Variants in PPP1R9A observed in about 807,000 individuals in gnomAD.
The protein encoded by PPP1R9A is neurabin-1.
In PPP1R9A, 59 loss-of-function variants were observed where a neutral mutation model predicts 141.9. The observed-to-expected ratio is 0.42, with a 90% CI of 0.34 to 0.52. The LOEUF (loss-of-function observed/expected upper bound fraction) is 0.52. Ranked by LOEUF, PPP1R9A falls within the 20% of genes least tolerant of loss-of-function variation. The pLI is 0.10. For synonymous variants in PPP1R9A, 500 were observed against 569.7 expected (o/e 0.88, Z 1.74); for missense variants, 1,444 against 1,611.9 (o/e 0.90, Z 1.78).
At chr7:94,980,771 A>T (rs1242362961) in intron 2 of PPP1R9A, among the ~76,000 whole-genome samples, 3 of 152,086 alleles carry the variant, frequency 2.0e-5, no homozygotes, top group African/African-American at 7.2e-5. Flanking sequence ...AACTTCTTTG[A>T]TCTGGGTTCT....
At chr7:95,273,831 A>G (rs1482482392) in intron 14 of PPP1R9A, 68 bp from the exon 15 acceptor site, 4 of 1,358,974 alleles carry the variant, frequency 2.9e-6, no homozygotes, top group Non-Finnish European at 4.0e-6. Flanking sequence ...TCAGAGATGC[A>G]TTGACTTTTG....
intron 2 of PPP1R9A, among the ~76,000 whole-genome samples, chr7:95,063,168 G>A (rs202037516): frequency 4.6e-5 from 7 of 152,194 alleles, no homozygotes; most frequent in East Asian, 1.9e-4. Flanking sequence ...CACTAATAGA[G>A]TATTTTGATG....
chr7:95,271,469 T>C (rs994380385), intron 14 of PPP1R9A, among the ~76,000 whole-genome samples: 2 of 152,112 alleles, frequency 1.3e-5, no homozygotes, highest in African/African-American at 4.8e-5. Flanking sequence ...TCAGAACATA[T>C]GGTCTTGTCA....
rs1806135506 is a variant in PPP1R9A, at chr7:95,290,124, G to A, written c.3946G>A (p.Val1316Met). 6 of 1,614,064 alleles carry A rather than the reference G, an allele frequency of 3.7e-6. No individual in the cohort carries two copies. Among genetic ancestry groups the A allele is most frequent in the African/African-American group, 2.7e-5 (2 of 75,020 alleles). The change falls in exon 20 of 20, where the codon GTG becomes ATG. Residue 1316 changes from valine to methionine, a missense_variant. Around this residue, in one of 5 missense-constraint regions of PPP1R9A, gnomAD observed 459 missense variants for 513.8 expected, o/e 0.89. Transcript: ENST00000433360. ...LGMTASQDRA[V>M]VKKKLKEMKM... ...AATGACAGCATCCCAGGACCGAGCA[G>A]TGGTCAAAAAGAAACTCAAGGAAAT...
intron 8 of PPP1R9A, among the ~76,000 whole-genome samples, chr7:95,229,755 T>C (rs1463623685): frequency 6.6e-6 from 1 of 152,122 alleles, no homozygotes; most frequent in Non-Finnish European, 1.5e-5. Context: ...CTGAGAAACC[T>C]GAATACTTGA....
Position 95,247,727 on chromosome 7 carries a change from T to C in PPP1R9A, c.2166+201T>C, listed in dbSNP as rs1798310894. On this transcript the variant is annotated intron_variant, in intron 9 of 19. Coordinates refer to ENST00000433360, the MANE Select transcript of PPP1R9A (RefSeq NM_001166160.2). ...ATCCCCCTCAGTGCAAATAACACAA[T>C]ATTTTAGATATATATATTTATGTAT... Among the ~76,000 whole-genome samples, 4 of 152,080 alleles carry C rather than the reference T, an allele frequency of 2.6e-5. 1 individual carries two copies. The South Asian group carries it at 8.3e-4, about 32-fold the overall frequency.
At position 94,911,432 on chromosome 7, in the gene PPP1R9A, C is replaced by T. The variant is rs762242054; in HGVS notation, c.1319C>T (p.Ser440Leu). The T allele has an allele frequency of 1.3e-5, 21 of 1,613,574 alleles. No individual in the cohort carries two copies. The highest frequency in any genetic ancestry group is 6.7e-5 in the East Asian group (3 of 44,886). The change falls in exon 2 of 20, where the codon TCG becomes TTG. Residue 440 changes from serine (S) to leucine (L), a missense_variant. Around this residue, in one of 5 missense-constraint regions of PPP1R9A, gnomAD observed 490 missense variants for 521.1 expected, o/e 0.94. Transcript: ENST00000433360. Reference protein sequence around the residue: ...NSYYQPDMEYSEIVGLPEEEE... With the variant: ...NSYYQPDMEYLEIVGLPEEEE... ...TACTATCAGCCTGATATGGAGTACTCGGAAATTGTTGGATTGCCAGAAGAA... is the reference window on the plus strand; with the variant it reads ...TACTATCAGCCTGATATGGAGTACTTGGAAATTGTTGGATTGCCAGAAGAA...
At chr7:95,086,184 T>C (rs1816606142) in intron 2 of PPP1R9A, among the ~76,000 whole-genome samples, 1 of 152,006 alleles carries the variant, frequency 6.6e-6, no homozygotes, top group Non-Finnish European at 1.5e-5. Context: ...TAACATCTTA[T>C]GTTAGAATAG....
chr7:95,268,762 T>C (rs1458118505), intron 13 of PPP1R9A, 55 bp downstream of exon 13: 27 of 1,569,588 alleles, frequency 1.7e-5, no homozygotes, highest in Non-Finnish European at 2.3e-5. Context: ...TCATTGTTCC[T>C]ACAGCTTATT....
chr7:95,192,928 G>A (rs1034988322), intron 5 of PPP1R9A, among the ~76,000 whole-genome samples: 11 of 152,078 alleles, frequency 7.2e-5, no homozygotes, highest in Non-Finnish European at 1.5e-4. Context: ...ACTTAAGAAC[G>A]TATAGGAAGG....
chr7:95,140,788 C>G (rs1415815084), intron 4 of PPP1R9A, among the ~76,000 whole-genome samples: 1 of 152,202 alleles, frequency 6.6e-6, no homozygotes, highest in Admixed American at 6.5e-5. Context: ...TCTTGGCTCA[C>G]TGAAATCCTC....
chr7:95,076,803 C>G (rs1444731313), intron 2 of PPP1R9A, among the ~76,000 whole-genome samples: 1 of 151,870 alleles, frequency 6.6e-6, no homozygotes, highest in African/African-American at 2.4e-5. Flanking sequence ...ATTTTATTTT[C>G]TCTCATTATT....
intron 7 of PPP1R9A, among the ~76,000 whole-genome samples, chr7:95,211,857 C>A (rs1792209776): frequency 6.6e-6 from 1 of 152,072 alleles, no homozygotes; most frequent in African/African-American, 2.4e-5. Flanking sequence ...CATGGCATTG[C>A]TGCATGCCTA....
In PPP1R9A at chr7:94,907,651, TGCTGCCGG is replaced by T. The variant is rs996783504; in HGVS notation, c.-264_-257del. 3.9e-5 allele frequency: 6 copies of T among 152,242 alleles called. No homozygotes were observed. Among genetic ancestry groups the T allele is most frequent in the African/African-American group, 1.4e-4 (6 of 41,420 alleles). 9.4% of individuals were successfully genotyped at this position (152,242 alleles called of 1,614,324 possible). On this transcript the variant is annotated 5_prime_UTR_variant, in exon 1 of 20. Coordinates refer to ENST00000433360, the MANE Select transcript of PPP1R9A (RefSeq NM_001166160.2). The stretch of plus-strand genomic sequence containing the variant: ...CCTCTCTCTCCCTCTCCCGGGATTT[TGCTGCCGG>T]GCTCCCTCTCTCTGCGGCCCTAGAG...
chr7:95,041,634 GTTTTC>G (rs1407867403), intron 2 of PPP1R9A, among the ~76,000 whole-genome samples: 13 of 151,926 alleles, frequency 8.6e-5, no homozygotes, highest in Non-Finnish European at 1.5e-5. Flanking sequence ...GCTTCGTTCA[GTTTTC>G]TTTTATTTGT....
At chr7:95,283,990 T>G in intron 16 of PPP1R9A, 28 bp from the exon 17 acceptor site, 1 of 1,525,598 alleles carries the variant, frequency 6.6e-7, no homozygotes, top group Non-Finnish European at 8.9e-7. Flanking sequence ...TTTCTTTATC[T>G]AACACACCCA....
Position 94,910,924 on chromosome 7 carries a change from G to A in PPP1R9A, c.811G>A (p.Ala271Thr), listed in dbSNP as rs1562978599. The A allele has an allele frequency of 1.2e-6, 2 of 1,614,092 alleles. No homozygotes were observed. The highest frequency in any genetic ancestry group is 1.7e-6 in the Non-Finnish European group (2 of 1,180,002). Residue 271 changes from alanine (A) to threonine (T), a missense_variant, in exon 2 of 20, where the codon GCT (alanine) becomes ACT (threonine). By Grantham distance (58) the Ala-to-Thr change is moderately conservative. Around this residue, in one of 5 missense-constraint regions of PPP1R9A, gnomAD observed 490 missense variants for 521.1 expected, o/e 0.94. Transcript: ENST00000433360. This position sits in a 1 kb window ranked among gnomAD's most constrained non-coding sequence, Gnocchi z 4.5. ...SNKRGVDTED[A>T]HKSNATPVPE... Reference sequence around the variant, plus strand: ...CAAGCGAGGTGTTGATACAGAGGATGCTCACAAGAGTAATGCAACTCCAGT... The same window carrying A: ...CAAGCGAGGTGTTGATACAGAGGATACTCACAAGAGTAATGCAACTCCAGT...
intron 2 of PPP1R9A, among the ~76,000 whole-genome samples, chr7:94,974,419 T>C (rs1036468445): frequency 6.6e-6 from 1 of 152,172 alleles, no homozygotes; most frequent in East Asian, 1.9e-4. Flanking sequence ...TCTTTATATA[T>C]TGCAATGAGT....
At chr7:95,283,869 T>G in intron 16 of PPP1R9A, 149 bp from the exon 17 acceptor site, 2 of 616,314 alleles carry the variant, frequency 3.2e-6, no homozygotes, top group Admixed American at 3.3e-5. Context: ...TTAAGATTAG[T>G]GTTGTAGTCA....
Sources: gnomAD v4.1 joint callset for allele counts (sites outside exome capture counted in the v4.1 genomes callset) on GRCh38, gnomAD v4.1.1 for gene constraint, gnomAD v4.1.1 regional missense constraint, Gnocchi (gnomAD v3.1) non-coding constraint, MANE v1.5 for transcripts, NCBI Gene and HGNC (gene_info 2026-07-23, HGNC 2026-07-21) for gene names.